COL4A1: variants seen among roughly 807,000 people sequenced by gnomAD.
The protein encoded by COL4A1 is collagen type IV alpha 1 chain.
COL4A1 carries 40 observed loss-of-function variants against 216.6 expected under a neutral mutation model. That is an observed-to-expected ratio of 0.18 (90% confidence interval 0.14 to 0.24). The LOEUF (loss-of-function observed/expected upper bound fraction) is 0.24, where lower values mean the gene tolerates loss of function less well. COL4A1 is among the 10% of genes least tolerant of loss of function. The pLI is 1.00. For missense variants in COL4A1, 1,628 were observed against 2,196.8 expected (o/e 0.74, Z 5.18); for synonymous variants, 839 against 810.7 (o/e 1.03, Z -0.59).
chr13:110,211,609 G>C lies in COL4A1; in HGVS notation c.468+38C>G. ...GGCACTTGTTGTAAACAGATTCCCT[G>C]TAATGAATCCAATAAAGCAAAATAA... On this transcript the variant is annotated intron_variant, in intron 8 of 51. Coordinates refer to ENST00000375820, the MANE Select transcript of COL4A1 (RefSeq NM_001845.6). This position sits in a 1 kb window ranked among gnomAD's most constrained non-coding sequence, Gnocchi z 4.3. The C allele has an allele frequency of 6.3e-7, 1 of 1,599,494 alleles. No homozygotes were observed. The highest frequency in any genetic ancestry group is 8.5e-7 in the Non-Finnish European group (1 of 1,171,086).
intron 1 of COL4A1, among the ~76,000 whole-genome samples, chr13:110,280,867 G>A (rs930634764): frequency 6.6e-6 from 1 of 151,732 alleles, no homozygotes; most frequent in African/African-American, 2.4e-5. Context: ...TCCGAGATCT[G>A]GCTGAAGGTT....
Position 110,225,136 on chromosome 13 carries a change from G to A in COL4A1, c.145-11121C>T, listed in dbSNP as rs569962929. ...GGGTCCCCATCCTCTGAGTGGTTCC[G>A]TAGTCCCTGCGGTTCCCTTGCCAGG... On this transcript the variant is annotated intron_variant, in intron 2 of 51. Transcript: ENST00000375820. 1.8e-3 allele frequency among the ~76,000 whole-genome samples: 271 copies of A among 152,138 alleles called. 1 individual carries two copies. The highest frequency in any genetic ancestry group is 6.1e-3 in the African/African-American group (252 of 41,484).
At chr13:110,229,405 T>C (rs1003814682) in intron 2 of COL4A1, among the ~76,000 whole-genome samples, 5 of 152,242 alleles carry the variant, frequency 3.3e-5, no homozygotes, top group Non-Finnish European at 5.9e-5. Context: ...TAAATCTGAA[T>C]GACTCGAATT....
At chr13:110,189,691 C>T (rs935892636) in intron 24 of COL4A1, among the ~76,000 whole-genome samples, 12 of 152,212 alleles carry the variant, frequency 7.9e-5, no homozygotes, top group Admixed American at 2.0e-4. Flanking sequence ...TAAACTGTTT[C>T]TCTTGAGTTA....
intron 1 of COL4A1, among the ~76,000 whole-genome samples, chr13:110,292,694 C>T (rs1330515062): frequency 1.3e-5 from 2 of 152,184 alleles, no homozygotes; most frequent in African/African-American, 2.4e-5. Context: ...AACTCACTCA[C>T]TATCATGAGA....
rs989190381 is a variant in COL4A1 at position 110,160,420 on chromosome 13, G to A, written c.4640+772C>T. ...ATTGCGCCACTGCAGTCCGCAGTCC[G>A]GCCTGGGTGACAGAGCGAGACTCCG... On this transcript the variant is annotated intron_variant, in intron 49 of 51. Transcript: ENST00000375820. Among the ~76,000 whole-genome samples the A allele has an allele frequency of 9.9e-4, 115 of 116,058 alleles. 8 individuals are homozygous for A. Among genetic ancestry groups the A allele is most frequent in the Non-Finnish European group, 1.4e-3 (84 of 58,976 alleles). The allele number at this position is 116,058 out of a possible 152,430, so 76.1% of individuals were successfully genotyped here.
chr13:110,272,317 T>G (rs1281658341), intron 1 of COL4A1, among the ~76,000 whole-genome samples: 1 of 152,232 alleles, frequency 6.6e-6, no homozygotes, highest in Non-Finnish European at 1.5e-5. Flanking sequence ...AGACCGTAGA[T>G]ACGTGAACAC....
At chr13:110,297,149 T>A (rs1276590880) in intron 1 of COL4A1, among the ~76,000 whole-genome samples, 1 of 152,226 alleles carries the variant, frequency 6.6e-6, no homozygotes, top group Non-Finnish European at 1.5e-5. Context: ...CCCCAGAGGT[T>A]GTGAGTGGGG....
chr13:110,302,108 C>T lies in COL4A1; in HGVS notation c.84+4836G>A, dbSNP rs55767891. On this transcript the variant is annotated intron_variant, in intron 1 of 51. Transcript: ENST00000375820. ...TCCCAGCCGTGGGAAGGGAAAGCTG[C>T]GGGCACCTCTGGGAAGCATCCAGAA... Among the ~76,000 whole-genome samples, 585 of 152,182 alleles carry T rather than the reference C, an allele frequency of 3.8e-3. 4 individuals are homozygous for T. The highest frequency in any genetic ancestry group is 0.014 in the African/African-American group (563 of 41,534).
At chr13:110,215,230 G>C (rs1014054550) in intron 2 of COL4A1, among the ~76,000 whole-genome samples, 1 of 152,078 alleles carries the variant, frequency 6.6e-6, no homozygotes, top group Admixed American at 6.6e-5. Context: ...ATCATGGGGT[G>C]ATGGTGGGCT....
intron 18 of COL4A1, among the ~76,000 whole-genome samples, chr13:110,203,337 C>T (rs905535165): frequency 1.3e-5 from 2 of 152,124 alleles, no homozygotes; most frequent in African/African-American, 4.8e-5. Flanking sequence ...CACGAAACTC[C>T]GTACAACAAA....
In COL4A1 at chr13:110,172,773, A is replaced by G. The variant is rs1452763912; in HGVS notation, c.3506-3T>C. ...TGGGAATCCTCTTCCTGGTAGACCT[A>G]TAAGATGAGGGTAAAATGCCACGTT... On this transcript the variant is annotated splice_region_variant and splice_polypyrimidine_tract_variant and intron_variant, in intron 40 of 51. Transcript: ENST00000375820. 2 of 1,613,794 alleles carry G rather than the reference A, an allele frequency of 1.2e-6. No individual in the cohort carries two copies. Among genetic ancestry groups the G allele is most frequent in the Non-Finnish European group, 1.7e-6 (2 of 1,179,614 alleles).
At chr13:110,241,175 A>AT (rs1426918062) in intron 2 of COL4A1, among the ~76,000 whole-genome samples, 1 of 152,294 alleles carries the variant, frequency 6.6e-6, no homozygotes, top group Admixed American at 6.5e-5. Context: ...TGGCCTAAAA[A>AT]ATATATATAA....
At chr13:110,254,211 T>G (rs1051503964) in intron 1 of COL4A1, among the ~76,000 whole-genome samples, 1 of 152,176 alleles carries the variant, frequency 6.6e-6, no homozygotes, top group Admixed American at 6.5e-5. Flanking sequence ...TGTCTATCCC[T>G]CTGTGGTCCA....
At chr13:110,219,902 G>A (rs1414544926) in intron 2 of COL4A1, among the ~76,000 whole-genome samples, 2 of 108,368 alleles carry the variant, frequency 1.8e-5, no homozygotes, top group Non-Finnish European at 3.6e-5. Context: ...GTATATATAT[G>A]TATATATATG....
At chr13:110,262,520 C>T (rs1029203782) in intron 1 of COL4A1, among the ~76,000 whole-genome samples, 1 of 152,198 alleles carries the variant, frequency 6.6e-6, no homozygotes, top group Admixed American at 6.5e-5. Flanking sequence ...TCTTACTGAT[C>T]TTCCTCCTCC....
Position 110,187,187 on chromosome 13 carries a change from G to C in COL4A1, c.1679C>G (p.Ser560Cys). The change falls in exon 25 of 52, where the codon TCT (serine) becomes TGT (cysteine). Residue 560 changes from serine (S) to cysteine (C), a missense_variant. This residue lies in a region of COL4A1 where 701 missense variants were observed against 892.5 expected (regional missense o/e 0.79). Transcript: ENST00000375820. The part of the protein sequence containing the change: ...GQPGMPGRAG[S>C]PGRDGHPGLP... ...ACCCGGATGGCCATCTCTTCCAGGA[G>C]AACCCGCTCTCCCTGGCATGCCGGG... 6.2e-7 allele frequency: 1 copy of C among 1,614,012 alleles called. No homozygotes were observed. Among genetic ancestry groups the C allele is most frequent in the South Asian group, 1.1e-5 (1 of 91,062 alleles).
chr13:110,233,614 G>A (rs1022121676), intron 2 of COL4A1, among the ~76,000 whole-genome samples: 3 of 152,310 alleles, frequency 2.0e-5, no homozygotes, highest in Admixed American at 2.0e-4. Context: ...ACAAAAACTC[G>A]CAGCGGTATT....
At position 110,268,400 on chromosome 13, in the gene COL4A1, C is replaced by T. The variant is rs1883122653; in HGVS notation, c.85-25666G>A. Among the ~76,000 whole-genome samples the T allele has an allele frequency of 6.6e-6, 1 of 152,102 alleles. No homozygotes were observed. The highest frequency in any genetic ancestry group is 1.5e-5 in the Non-Finnish European group (1 of 67,996). ...GAAAGGGAGGTGAGTATGCAGAAGC[C>T]GGCATGGCCAGCTCTCTGCTCTCTT... On this transcript the variant is annotated intron_variant, in intron 1 of 51. Coordinates refer to ENST00000375820, the MANE Select transcript of COL4A1 (RefSeq NM_001845.6). This position sits in a 1 kb window ranked among gnomAD's most constrained non-coding sequence, Gnocchi z 4.1.
Sources: allele counts gnomAD v4.1 joint callset (sites outside exome capture counted in the v4.1 genomes callset), GRCh38; gene constraint gnomAD v4.1.1; regional missense constraint gnomAD v4.1.1; non-coding constraint Gnocchi (gnomAD v3.1); transcripts MANE v1.5; gene names NCBI Gene and HGNC (gene_info 2026-07-23, HGNC 2026-07-21).